The following COL12A1 variants were observed in gnomAD, a reference collection of about 807,000 sequenced individuals.
COL12A1 encodes the protein collagen type XII alpha 1 chain.
In COL12A1, 114 loss-of-function variants were observed where a neutral mutation model predicts 349.7. The ratio of observed to expected loss-of-function variants is 0.33; its 90% CI spans 0.28 to 0.38. The LOEUF (loss-of-function observed/expected upper bound fraction) is 0.38, where lower values mean the gene tolerates loss of function less well. COL12A1 is among the 10% of genes least tolerant of loss of function. The pLI, the probability that COL12A1 is intolerant of heterozygous loss-of-function variation, is 1.00. For missense variants in COL12A1, 3,284 were observed against 3,756.9 expected, an observed-to-expected ratio of 0.87 and a Z score of 3.29; for synonymous variants, 1,369 against 1,329.0, an observed-to-expected ratio of 1.03 and a Z score of -0.66.
chr6:75,118,759 A>G (rs1562151319), intron 46 of COL12A1, among the ~76,000 whole-genome samples: 1 of 152,202 alleles, frequency 6.6e-6, no homozygotes, highest in Non-Finnish European at 1.5e-5. Context: ...CTCTAGCATC[A>G]TCTCATTATC....
intron 13 of COL12A1, among the ~76,000 whole-genome samples, chr6:75,170,061 C>G (rs1230754692): frequency 6.6e-6 from 1 of 152,116 alleles, no homozygotes; most frequent in African/African-American, 2.4e-5. Flanking sequence ...TTCCACATAC[C>G]AAGCCAAAGA....
chr6:75,123,635 T>C (rs1236854206), intron 42 of COL12A1, among the ~76,000 whole-genome samples: 1 of 152,042 alleles, frequency 6.6e-6, no homozygotes, highest in Non-Finnish European at 1.5e-5. Context: ...AAAGGGAAAA[T>C]GTAAGGCCTT....
In COL12A1 at chr6:75,188,427, T is replaced by C. The variant is rs1320604059; in HGVS notation, c.932A>G (p.Glu311Gly). 6.2e-7 allele frequency: 1 copy of C among 1,613,694 alleles called. No individual in the cohort carries two copies. Among genetic ancestry groups the C allele is most frequent in the East Asian group, 2.2e-5 (1 of 44,872 alleles). The change falls in exon 8 of 66, where the codon GAG (glutamate) becomes GGG (glycine). Residue 311 changes from glutamate to glycine, a missense_variant. Glu to Gly is a moderately conservative substitution (Grantham distance 98). This residue lies in a region of COL12A1 where 2,601 missense variants were observed against 2,824.8 expected (regional missense o/e 0.92). Transcript: ENST00000322507. ...ACCTGAGCACACCTGGGAGATGATC[T>C]CATTCTGAATATCCACAATTGCATC... ...NFDAIVDIQN[E>G]IISQVCSGVD...
intron 31 of COL12A1, among the ~76,000 whole-genome samples, chr6:75,136,015 A>G (rs976657293): frequency 1.3e-5 from 2 of 152,168 alleles, no homozygotes; most frequent in Admixed American, 6.5e-5. Context: ...AGTACCCCAA[A>G]GACTAACAAA....
intron 14 of COL12A1, among the ~76,000 whole-genome samples, chr6:75,162,961 G>T (rs1768100193): frequency 1.3e-5 from 2 of 152,176 alleles, no homozygotes; most frequent in African/African-American, 4.8e-5. Context: ...ACCACAATGA[G>T]ATATCAGCTC....
rs1262010935 is a variant in COL12A1 at position 75,123,958 on chromosome 6, T to C, written c.6861A>G (p.Lys2287=). ...PNLEGPGVSV[K]EHTTVKPTEA... is the part of the protein sequence containing the mutation. ...TCCTCAAAAACTTACTGGTATGTTC[T>C]TTAACAGAGACTCCTGGTCCCTCGA... The change falls in exon 42 of 66, where the codon AAA becomes AAG. Residue 2287 remains lysine, a synonymous_variant. Transcript: ENST00000322507. The C allele has an allele frequency of 2.5e-6, 4 of 1,611,060 alleles. No individual in the cohort carries two copies. Among genetic ancestry groups the C allele is most frequent in the South Asian group, 2.2e-5 (2 of 90,946 alleles).
At chr6:75,166,914 T>C (rs376053308) in intron 13 of COL12A1, among the ~76,000 whole-genome samples, 12 of 152,112 alleles carry the variant, frequency 7.9e-5, no homozygotes, top group African/African-American at 2.9e-4. Context: ...AAAAAATAAA[T>C]GAAACAGAAG....
At chr6:75,151,108 T>C in intron 21 of COL12A1, 33 bp downstream of exon 21, 2 of 1,100,552 alleles carry the variant, frequency 1.8e-6, no homozygotes, top group African/African-American at 1.9e-5. Flanking sequence ...ATACCAGCAG[T>C]GCTGAGGGAG....
intron 2 of COL12A1, 65 bp from the exon 3 acceptor site, chr6:75,195,012 A>G (rs1010290279): frequency 5.4e-6 from 5 of 922,824 alleles, no homozygotes; most frequent in Non-Finnish European, 8.3e-6. Context: ...TTTAATTAAT[A>G]AAGAATTGTG....
chr6:75,091,614 T>C (rs973229967), intron 60 of COL12A1, 89 bp from the exon 61 acceptor site: 53 of 1,299,358 alleles, frequency 4.1e-5, no homozygotes, highest in Middle Eastern at 2.7e-4. Context: ...GAGAACAAGT[T>C]CTGTTTTCTA....
chr6:75,186,821 C>T (rs963390853), intron 8 of COL12A1, among the ~76,000 whole-genome samples: 1 of 152,020 alleles, frequency 6.6e-6, no homozygotes, highest in Non-Finnish European at 1.5e-5. Context: ...TTTGCAGGGA[C>T]AATGATAGAG....
chr6:75,143,434 A>G, intron 25 of COL12A1, 46 bp from the exon 26 acceptor site: 2 of 1,587,130 alleles, frequency 1.3e-6, no homozygotes, highest in Non-Finnish European at 1.7e-6. Context: ...TCTCAACCAC[A>G]AAGCTCCAAA....
At chr6:75,123,865 A>T (rs2149373375) in intron 42 of COL12A1, 83 bp downstream of exon 42, 16 of 1,413,392 alleles carry the variant, frequency 1.1e-5, no homozygotes, top group Non-Finnish European at 1.5e-5. Context: ...AGGTACCTGC[A>T]CAGGATTCAC....
chr6:75,154,573 C>T, intron 16 of COL12A1, 36 bp from the exon 17 acceptor site: 1 of 1,554,510 alleles, frequency 6.4e-7, no homozygotes. Flanking sequence ...CCTGTGAGAA[C>T]CATAGGCTCA....
rs1233608917 is a variant in COL12A1, at chr6:75,189,207, C to T, written c.823+10G>A. The T allele has an allele frequency of 5.6e-6, 9 of 1,611,530 alleles. 1 individual carries two copies. The Admixed American group carries it at 1.0e-4, about 18-fold the overall frequency. ...TGTAAAATGGAAATAATTAACTGAA[C>T]TTAACCTACCCAAGGAGAAAACTTC... On this transcript the variant is annotated intron_variant, in intron 7 of 65. Transcript: ENST00000322507.
intron 38 of COL12A1, 34 bp downstream of exon 38, chr6:75,128,262 A>G: frequency 6.6e-7 from 1 of 1,524,084 alleles, no homozygotes. Flanking sequence ...ACAATTTCAA[A>G]GCAAAAATAA....
Position 75,167,578 on chromosome 6 carries a change from T to A in COL12A1, c.2711-1799A>T, listed in dbSNP as rs1011668678. On this transcript the variant is annotated intron_variant, in intron 13 of 65. Coordinates refer to ENST00000322507, the MANE Select transcript of COL12A1 (RefSeq NM_004370.6). ...TTGCTTCTCAACCTATTTTTCTTTC[T>A]ACAGCACTAAATTTGTGACATTGTT... 2.6e-5 allele frequency among the ~76,000 whole-genome samples: 4 copies of A among 152,340 alleles called. No individual in the cohort carries two copies. The South Asian group carries it at 8.3e-4, about 32-fold the overall frequency.
rs771186535 is a variant in COL12A1, at chr6:75,130,231, G to A, written c.6070C>T (p.Pro2024Ser). Residue 2024 changes from proline to serine, a missense_variant and splice_region_variant, in exon 37 of 66, where the codon CCA (proline) becomes TCA (serine). Pro to Ser is a moderately conservative substitution (Grantham distance 74). Transcript: ENST00000322507. The stretch of plus-strand genomic sequence containing the variant: ...CTCAGGTTCCTTGGTCCACTGCGTG[G>A]TACTAAATAAATAAAATACAATAGA... Reference protein sequence around the residue: ...NPSPAQGRTLPRSGPRNLRVF... With the variant: ...NPSPAQGRTLSRSGPRNLRVF... 136 of 1,612,460 alleles carry A rather than the reference G, an allele frequency of 8.4e-5. No homozygotes were observed. Among genetic ancestry groups the A allele is most frequent in the Non-Finnish European group, 1.1e-4 (129 of 1,179,528 alleles).
chr6:75,134,150 G>A (rs562282523), intron 32 of COL12A1, among the ~76,000 whole-genome samples, 153 bp from the exon 33 acceptor site: 25 of 152,166 alleles, frequency 1.6e-4, no homozygotes, highest in Admixed American at 9.2e-4. Context: ...CACTGTGTCC[G>A]CGTCAGCCTG....
Sources: allele counts gnomAD v4.1 joint callset (sites outside exome capture counted in the v4.1 genomes callset), GRCh38; gene constraint gnomAD v4.1.1; regional missense constraint gnomAD v4.1.1; transcripts MANE v1.5; gene names NCBI Gene and HGNC (gene_info 2026-07-23, HGNC 2026-07-21).